RMDN3: variants seen among roughly 807,000 people sequenced by gnomAD.
RMDN3 encodes regulator of microtubule dynamics protein 3.
RMDN3 carries 41 observed loss-of-function variants against 61.8 expected under a neutral mutation model. That is an observed-to-expected ratio of 0.66 (90% confidence interval 0.52 to 0.86). The LOEUF (loss-of-function observed/expected upper bound fraction) is 0.86, where lower values mean the gene tolerates loss of function less well. Among genes scored for constraint, RMDN3 ranks in the 40% least tolerant of loss-of-function variants. The probability of loss-of-function intolerance (pLI) is 0.00; values close to 1 mark genes in which losing one functional copy is unlikely to be tolerated. For missense variants in RMDN3, 557 were observed against 585.3 expected, an observed-to-expected ratio of 0.95 and a Z score of 0.50; for synonymous variants, 247 against 232.0, an observed-to-expected ratio of 1.06 and a Z score of -0.59.
rs1897823435 is a variant in RMDN3, at chr15:40,751,544, C to T, written c.406G>A (p.Val136Met). The change falls in exon 4 of 13, where the codon GTG (valine) becomes ATG (methionine). Residue 136 changes from valine to methionine, a missense_variant. By Grantham distance (21) the Val-to-Met change is conservative. Coordinates refer to ENST00000338376, the MANE Select transcript of RMDN3 (RefSeq NM_018145.3). ...VRCHMEENQRVARRRRFPFVR... is the reference protein window; with the variant it reads ...VRCHMEENQRMARRRRFPFVR... Reference sequence around the variant, plus strand: ...AACGGAAACCTTCGCCGCCGAGCCACTCTCTGGTTCTCTTCCATGTGGCAT... The same window carrying T: ...AACGGAAACCTTCGCCGCCGAGCCATTCTCTGGTTCTCTTCCATGTGGCAT... 1 of 1,614,216 alleles carries T rather than the reference C, an allele frequency of 6.2e-7. No homozygotes were observed. Among genetic ancestry groups the T allele is most frequent in the East Asian group, 2.2e-5 (1 of 44,886 alleles).
intron 7 of RMDN3, 32 bp downstream of exon 7, chr15:40,740,101 G>A: frequency 6.7e-7 from 1 of 1,491,676 alleles, no homozygotes; most frequent in Non-Finnish European, 9.3e-7. Flanking sequence ...GCCCTTGCTG[G>A]CTCTTCCCAG....
chr15:40,752,269 A>T, intron 2 of RMDN3, 91 bp from the exon 3 acceptor site: 2 of 1,338,964 alleles, frequency 1.5e-6, no homozygotes, highest in Non-Finnish European at 2.1e-6. Flanking sequence ...CCTGCTTTCC[A>T]TTGGAAGAGA....
At chr15:40,751,882 A>G (rs1014988746) in intron 3 of RMDN3, 104 bp downstream of exon 3, 2 of 1,257,818 alleles carry the variant, frequency 1.6e-6, no homozygotes, top group African/African-American at 3.0e-5. Flanking sequence ...TAGAAGCTAT[A>G]GAACTGGTTT....
At chr15:40,738,770 A>G (rs1596039910) in intron 7 of RMDN3, 194 bp from the exon 8 acceptor site, 1 of 605,288 alleles carries the variant, frequency 1.7e-6, no homozygotes, top group South Asian at 2.0e-5. Flanking sequence ...TCTTTAGTAG[A>G]TAATGGTAGG....
In RMDN3 at chr15:40,751,428, C is replaced by A; in HGVS notation, c.522G>T (p.Gly174=). The A allele has an allele frequency of 6.2e-7, 1 of 1,614,152 alleles. No homozygotes were observed. ...GATFTDAESE[G]GYTTANAESD... is the part of the protein sequence containing the mutation. ...TGCCTCCAAGAGAGACAACTCACCC[C>A]CCTTCACTCTCAGCATCTGTGAACG... Residue 174 remains glycine (G), a splice_region_variant and synonymous_variant, in exon 4 of 13, where the codon GGG becomes GGT. Coordinates refer to ENST00000338376, the MANE Select transcript of RMDN3 (RefSeq NM_018145.3).
rs1238015551 is a variant in RMDN3 at position 40,738,452 on chromosome 15, G to A, written c.1047+49C>T. The A allele has an allele frequency of 4.4e-6, 7 of 1,585,376 alleles. No individual in the cohort carries two copies. The African/African-American group carries it at 9.4e-5, about 21-fold the overall frequency. On this transcript the variant is annotated intron_variant, in intron 8 of 12. Coordinates refer to ENST00000338376, the MANE Select transcript of RMDN3 (RefSeq NM_018145.3). Reference sequence around the variant, plus strand: ...TTGGCAGGGAGCTGGAAAGGAGTGGGGAATCTGGGATAGGCCAGCACAAGG... The same window carrying A: ...TTGGCAGGGAGCTGGAAAGGAGTGGAGAATCTGGGATAGGCCAGCACAAGG...
rs1897821001 is a variant in RMDN3, at chr15:40,751,515, G to A, written c.435C>T (p.Val145=). The A allele has an allele frequency of 6.2e-7, 1 of 1,614,146 alleles. No homozygotes were observed. The highest frequency in any genetic ancestry group is 2.2e-5 in the East Asian group (1 of 44,886). ...AGCCAGTGGAGTCACTCCTCTCCCG[G>A]ACAAACGGAAACCTTCGCCGCCGAG... is the stretch of plus-strand genomic sequence containing the variant. ...RVARRRRFPF[V]RERSDSTGSS... The change falls in exon 4 of 13, where the codon GTC becomes GTT. Residue 145 remains valine (V), a synonymous_variant. Transcript: ENST00000338376.
chr15:40,747,592 G>A (rs1248635512), intron 4 of RMDN3: 2 of 152,178 alleles, frequency 1.3e-5, no homozygotes, highest in East Asian at 3.9e-4. Flanking sequence ...GCCAGCCTTT[G>A]GAGAAATCTA....
At chr15:40,746,251 C>G (rs897693526) in intron 4 of RMDN3, among the ~76,000 whole-genome samples, 1 of 152,138 alleles carries the variant, frequency 6.6e-6, no homozygotes, top group Non-Finnish European at 1.5e-5. Context: ...GGCGGTGGCT[C>G]ACGCCTGTAA....
chr15:40,743,923 T>A, intron 6 of RMDN3, 124 bp downstream of exon 6: 1 of 716,476 alleles, frequency 1.4e-6, no homozygotes, highest in Non-Finnish European at 2.3e-6. Flanking sequence ...AGTTTGTCCC[T>A]AGTGGGTAAC....
At chr15:40,744,000 C>A (rs762948930) in intron 6 of RMDN3, 47 bp downstream of exon 6, 18 of 1,532,834 alleles carry the variant, frequency 1.2e-5, no homozygotes, top group Middle Eastern at 3.4e-4. Context: ...CCAGCCCCAC[C>A]CCTGAATCAG....
intron 2 of RMDN3, among the ~76,000 whole-genome samples, chr15:40,753,266 AC>A (rs1016298303): frequency 3.9e-5 from 6 of 152,218 alleles, no homozygotes; most frequent in African/African-American, 1.4e-4. Context: ...GTGGTGGCTC[AC>A]GCCTGTAATC....
In RMDN3 at chr15:40,744,410, A is replaced by G. The variant is rs181280302; in HGVS notation, c.808-261T>C. The G allele has an allele frequency of 2.6e-3, 1,006 of 390,072 alleles. 18 individuals are homozygous for G. Among genetic ancestry groups the G allele is most frequent in the Non-Finnish European group, 6.6e-4 (140 of 212,140 alleles). The allele number at this position is 390,072 out of a possible 1,614,324, so 24.2% of individuals were successfully genotyped here. On this transcript the variant is annotated intron_variant, in intron 5 of 12. Coordinates refer to ENST00000338376, the MANE Select transcript of RMDN3 (RefSeq NM_018145.3). ...CTGACCTCCTAGAACTGCTGGGAGGAAAGGTCAACTCCAAGATGTCATAAG... is the reference window on the plus strand; with the variant it reads ...CTGACCTCCTAGAACTGCTGGGAGGGAAGGTCAACTCCAAGATGTCATAAG...
At position 40,738,004 on chromosome 15, in the gene RMDN3, G is replaced by A; in HGVS notation, c.1086C>T (p.Asn362=). 1.2e-6 allele frequency: 2 copies of A among 1,614,194 alleles called. No individual in the cohort carries two copies. Among genetic ancestry groups the A allele is most frequent in the South Asian group, 1.1e-5 (1 of 91,080 alleles). The change falls in exon 9 of 13, where the codon AAC becomes AAT. Residue 362 remains asparagine, a synonymous_variant. Coordinates refer to ENST00000338376, the MANE Select transcript of RMDN3 (RefSeq NM_018145.3). ...VDKAIALQPE[N]PMAHFLLGRW... is the part of the protein sequence containing the mutation. ...TGCCAAGAAGAAAGTGAGCCATGGG[G>A]TTTTCTGGCTGGAGAGCAATGGCTT...
In RMDN3 at chr15:40,736,570, C is replaced by CCAGGTCCTT; in HGVS notation, c.1375_1383dup (p.Lys459_Leu461dup). ...TCTCGTAAAATGACTTCCAGTTCTTCCAGGTCCTTCTGGATAGCCAAATCC... is the reference window on the plus strand; with the variant it reads ...TCTCGTAAAATGACTTCCAGTTCTTCCAGGTCCTTCAGGTCCTTCTGGATAGCCAAATCC... On this transcript the variant is annotated inframe_insertion, in exon 13 of 13. Coordinates refer to ENST00000338376, the MANE Select transcript of RMDN3 (RefSeq NM_018145.3). The CCAGGTCCTT allele has an allele frequency of 6.2e-7, 1 of 1,614,020 alleles. No individual in the cohort carries two copies. Among genetic ancestry groups the CCAGGTCCTT allele is most frequent in the Non-Finnish European group, 8.5e-7 (1 of 1,179,958 alleles).
rs1897033639 is a variant in RMDN3, at chr15:40,736,191, T to C, written c.*350A>G. 3.7e-6 allele frequency: 1 copy of C among 269,906 alleles called. No homozygotes were observed. The highest frequency in any genetic ancestry group is 6.9e-6 in the Non-Finnish European group (1 of 144,838). 16.7% of individuals were successfully genotyped at this position (269,906 alleles called of 1,614,324 possible). A position where few individuals can be genotyped will look rare whatever the true frequency, so the allele number is the denominator to read the frequency against. ...AAAAAGATTAAAGTGACAAGTTATG[T>C]GCTTTGTTCCTATAGCTTTGAAGTT... On this transcript the variant is annotated 3_prime_UTR_variant, in exon 13 of 13. Coordinates refer to ENST00000338376, the MANE Select transcript of RMDN3 (RefSeq NM_018145.3).
chr15:40,754,697 G>A lies in RMDN3; in HGVS notation c.87C>T (p.Leu29=). The part of the protein sequence containing the change: ...GTAAGLGFLC[L]LYSQRWKRTQ... The stretch of plus-strand genomic sequence containing the variant: ...TCCGTTTCCATCGCTGGCTGTAAAG[G>A]AGGCACAGGAATCCAAGGCCGGCGG... The change falls in exon 2 of 13, where the codon CTC becomes CTT. Residue 29 remains leucine (L), a synonymous_variant. Coordinates refer to ENST00000338376, the MANE Select transcript of RMDN3 (RefSeq NM_018145.3). The A allele has an allele frequency of 1.9e-6, 3 of 1,614,096 alleles. No homozygotes were observed. In the East Asian group the frequency reaches 6.7e-5, roughly 36 times the overall value.
intron 2 of RMDN3, among the ~76,000 whole-genome samples, chr15:40,754,134 T>C (rs1458009351): frequency 7.2e-6 from 1 of 138,958 alleles, no homozygotes; most frequent in Non-Finnish European, 1.5e-5. Context: ...CTGCTTTTTT[T>C]TTTTTTTTTT....
chr15:40,751,733 G>A lies in RMDN3; in HGVS notation c.381-164C>T, dbSNP rs1897832096. 5 of 1,053,298 alleles carry A rather than the reference G, an allele frequency of 4.7e-6. No individual in the cohort carries two copies. In the South Asian group the frequency reaches 6.7e-5, roughly 14 times the overall value. The allele number at this position is 1,053,298 out of a possible 1,614,324, so 65.2% of individuals were successfully genotyped here. Reference sequence around the variant, plus strand: ...GAGGGCAAGCAGGGCAGCTTCCTGGGCCCAGCCCGCACAGACAGACTAGGT... The same window carrying A: ...GAGGGCAAGCAGGGCAGCTTCCTGGACCCAGCCCGCACAGACAGACTAGGT... On this transcript the variant is annotated intron_variant, in intron 3 of 12. Coordinates refer to ENST00000338376, the MANE Select transcript of RMDN3 (RefSeq NM_018145.3).
Sources: gnomAD v4.1 joint callset for allele counts (sites outside exome capture counted in the v4.1 genomes callset) on GRCh38, gnomAD v4.1.1 for gene constraint, MANE v1.5 for transcripts, NCBI Gene and HGNC (gene_info 2026-07-23, HGNC 2026-07-21) for gene names.